GOLGA7: variants seen among roughly 807,000 people sequenced by gnomAD.
GOLGA7 encodes golgin subfamily A member 7.
In GOLGA7, 10 loss-of-function variants were observed where a neutral mutation model predicts 21.1. That is an observed-to-expected ratio of 0.47 (90% CI 0.29 to 0.80). The LOEUF (loss-of-function observed/expected upper bound fraction) is 0.80. Among genes scored for constraint, GOLGA7 ranks in the 30% least tolerant of loss-of-function variants. The pLI, the probability that GOLGA7 is intolerant of heterozygous loss-of-function variation, is 0.08. For synonymous variants in GOLGA7, 64 were observed against 62.6 expected, an observed-to-expected ratio of 1.02 and a Z score of -0.10; for missense variants, 114 against 166.8, an observed-to-expected ratio of 0.68 and a Z score of 1.74.
intron 2 of GOLGA7, among the ~76,000 whole-genome samples, chr8:41,499,405 G>A (rs1474392167): frequency 1.3e-5 from 2 of 152,192 alleles, no homozygotes; most frequent in African/African-American, 4.8e-5. Flanking sequence ...TTCTTGCCTT[G>A]GTGTACCAGA....
chr8:41,501,014 G>A (rs947418962), intron 2 of GOLGA7, among the ~76,000 whole-genome samples: 2 of 152,166 alleles, frequency 1.3e-5, no homozygotes, highest in African/African-American at 4.8e-5. Flanking sequence ...TAAGGTAGAA[G>A]CACATCTCTT....
rs1461904864 is a variant in GOLGA7 at position 41,510,614 on chromosome 8, G to A, written c.*1046G>A. Reference sequence around the variant, plus strand: ...TTCTCAGTAAAACTCTCAAGTCTGAGTCCATATTTGTAGCTCTGCTTTTGG... The same window carrying A: ...TTCTCAGTAAAACTCTCAAGTCTGAATCCATATTTGTAGCTCTGCTTTTGG... On this transcript the variant is annotated 3_prime_UTR_variant, in exon 5 of 5. Transcript: ENST00000357743. 1 of 152,630 alleles carries A rather than the reference G, an allele frequency of 6.6e-6. No homozygotes were observed. Among genetic ancestry groups the A allele is most frequent in the Admixed American group, 6.5e-5 (1 of 15,284 alleles). The allele number at this position is 152,630 out of a possible 1,614,324, so 9.5% of individuals were successfully genotyped here. A position where few individuals can be genotyped will look rare whatever the true frequency, so the allele number is the denominator to read the frequency against.
chr8:41,508,336 T>C (rs529999057), intron 4 of GOLGA7, among the ~76,000 whole-genome samples: 1 of 152,368 alleles, frequency 6.6e-6, no homozygotes, highest in South Asian at 2.1e-4. Flanking sequence ...ATTCCAGAGC[T>C]GCCTTCTTTA....
chr8:41,505,006 A>G (rs1038331692), intron 2 of GOLGA7, among the ~76,000 whole-genome samples: 1 of 152,254 alleles, frequency 6.6e-6, no homozygotes, highest in Non-Finnish European at 1.5e-5. Flanking sequence ...AACTGGATCA[A>G]AGCCTCTTTT....
At chr8:41,504,054 G>T (rs567273529) in intron 2 of GOLGA7, among the ~76,000 whole-genome samples, 8 of 143,518 alleles carry the variant, frequency 5.6e-5, no homozygotes, top group African/African-American at 2.1e-4. Context: ...GCACCAGCAT[G>T]GCACATGTAT....
intron 1 of GOLGA7, among the ~76,000 whole-genome samples, chr8:41,496,804 C>CTTTTTTTTTTTTT (rs34657481): frequency 1.1e-5 from 1 of 91,654 alleles, no homozygotes. Flanking sequence ...CAGTTTATTG[C>CTTTTTTTTTTTTT]TTTTTTTTTT....
At position 41,490,764 on chromosome 8, in the gene GOLGA7, C is replaced by T; in HGVS notation, c.-91C>T. The T allele has an allele frequency of 7.3e-6, 5 of 689,458 alleles. No individual in the cohort carries two copies. Among genetic ancestry groups the T allele is most frequent in the Non-Finnish European group, 1.0e-5 (4 of 392,770 alleles). The allele number at this position is 689,458 out of a possible 1,614,324, so 42.7% of individuals were successfully genotyped here. ...TTCGGCGGCGGGTGGGGGCGAGGGG[C>T]TGGCGGGTCAGAGTCCCGGGTCCAG... On this transcript the variant is annotated 5_prime_UTR_variant, in exon 1 of 5. Transcript: ENST00000357743.
chr8:41,500,462 G>A (rs944496166), intron 2 of GOLGA7, among the ~76,000 whole-genome samples: 12 of 152,220 alleles, frequency 7.9e-5, no homozygotes, highest in Admixed American at 1.3e-4. Context: ...ATGGGAGGTG[G>A]ATTTGGAGAG....
Position 41,505,964 on chromosome 8 carries a change from T to C in GOLGA7, c.318T>C (p.Ala106=). The change falls in exon 3 of 5, where the codon GCT becomes GCC. Residue 106 remains alanine (A), a synonymous_variant. Transcript: ENST00000357743. ...YIQEQNEKIY[A]PQGLLLTDPI... ...AAGAGCAGAATGAGAAGATCTATGC[T>C]CCACAAGGCCTCCTCCTGACAGACC... 1 of 1,605,540 alleles carries C rather than the reference T, an allele frequency of 6.2e-7. No individual in the cohort carries two copies. Among genetic ancestry groups the C allele is most frequent in the Non-Finnish European group, 8.5e-7 (1 of 1,173,634 alleles).
intron 1 of GOLGA7, among the ~76,000 whole-genome samples, chr8:41,495,626 T>G (rs1257283269): frequency 6.6e-6 from 1 of 150,842 alleles, no homozygotes; most frequent in Non-Finnish European, 1.5e-5. Context: ...AAAGAAAGAT[T>G]TAATAGGTTC....
intron 1 of GOLGA7, among the ~76,000 whole-genome samples, chr8:41,495,956 G>T (rs1386631298): frequency 6.6e-6 from 1 of 152,148 alleles, no homozygotes; most frequent in Non-Finnish European, 1.5e-5. Flanking sequence ...GACAGTACAG[G>T]TTCTTTCTTA....
chr8:41,506,998 C>T (rs766461283), intron 3 of GOLGA7, 61 bp from the exon 4 acceptor site: 1 of 823,066 alleles, frequency 1.2e-6, no homozygotes, highest in South Asian at 1.4e-5. Context: ...CTCCACCTTG[C>T]CAAGTCCCCC....
At chr8:41,495,439 C>T (rs1489766442) in intron 1 of GOLGA7, among the ~76,000 whole-genome samples, 1 of 151,576 alleles carries the variant, frequency 6.6e-6, no homozygotes, top group Admixed American at 6.6e-5. Context: ...CATGCACCAC[C>T]ACGCCTGGCT....
intron 2 of GOLGA7, among the ~76,000 whole-genome samples, chr8:41,499,120 A>G (rs1313186689): frequency 1.3e-5 from 2 of 152,172 alleles, no homozygotes; most frequent in Non-Finnish European, 2.9e-5. Flanking sequence ...GAAACAGGAA[A>G]AGTTCTCTTG....
At chr8:41,491,998 C>T (rs1324774137) in intron 1 of GOLGA7, among the ~76,000 whole-genome samples, 9 of 152,238 alleles carry the variant, frequency 5.9e-5, no homozygotes, top group African/African-American at 2.2e-4. Context: ...CAGTTATTTA[C>T]AGTCAGTTTG....
intron 4 of GOLGA7, among the ~76,000 whole-genome samples, chr8:41,508,186 G>A (rs1806335282): frequency 6.6e-6 from 1 of 152,196 alleles, no homozygotes; most frequent in Non-Finnish European, 1.5e-5. Flanking sequence ...AGTACTTGCA[G>A]CAGCAGGAAC....
At chr8:41,504,592 A>G (rs1425782) in intron 2 of GOLGA7, among the ~76,000 whole-genome samples, 2,119 of 152,352 alleles carry the variant, frequency 0.014, 52 homozygotes, top group African/African-American at 0.048. Flanking sequence ...GAAAAAAACA[A>G]ATCTTTTATT....
intron 4 of GOLGA7, among the ~76,000 whole-genome samples, chr8:41,508,436 A>C (rs1342435364): frequency 6.6e-6 from 1 of 152,192 alleles, no homozygotes; most frequent in African/African-American, 2.4e-5. Flanking sequence ...TTCCTTAAAA[A>C]GGCTTTGTTT....
intron 1 of GOLGA7, among the ~76,000 whole-genome samples, chr8:41,495,354 A>G (rs1309459891): frequency 6.6e-6 from 1 of 151,346 alleles, no homozygotes; most frequent in Non-Finnish European, 1.5e-5. Context: ...GTGAGATCTC[A>G]GTTCACTGCA....
Sources: allele counts gnomAD v4.1 joint callset (sites outside exome capture counted in the v4.1 genomes callset), GRCh38; gene constraint gnomAD v4.1.1; transcripts MANE v1.5; gene names NCBI Gene and HGNC (gene_info 2026-07-23, HGNC 2026-07-21).